LMNB2: variants seen among roughly 807,000 people sequenced by gnomAD.
LMNB2 encodes the protein lamin B2, also known as lamin-B2.
A neutral mutation model predicts 69.3 loss-of-function variants in LMNB2; 17 were observed. The observed-to-expected ratio is 0.25, with a 90% CI of 0.17 to 0.37. LMNB2 has a LOEUF of 0.37. LMNB2 is among the 10% of genes least tolerant of loss of function. The probability of loss-of-function intolerance (pLI) is 1.00; values close to 1 mark genes in which losing one functional copy is unlikely to be tolerated. For synonymous variants in LMNB2, 397 were observed against 389.3 expected, an observed-to-expected ratio of 1.02 and a Z score of -0.23; for missense variants, 789 against 883.6, an observed-to-expected ratio of 0.89 and a Z score of 1.36.
At chr19:2,438,101 A>G (rs1316823383) in intron 4 of LMNB2, 62 bp downstream of exon 4, 4 of 1,607,178 alleles carry the variant, frequency 2.5e-6, no homozygotes, top group Non-Finnish European at 3.4e-6. Flanking sequence ...CGCCCTCCAC[A>G]GCCATGAGGG....
rs369096685 is a variant in LMNB2 at position 2,453,951 on chromosome 19, G to A, written c.264+2719C>T. Among the ~76,000 whole-genome samples the A allele has an allele frequency of 1.3e-5, 2 of 152,204 alleles. No individual in the cohort carries two copies. Among genetic ancestry groups the A allele is most frequent in the South Asian group, 2.1e-4 (1 of 4,836 alleles). The stretch of plus-strand genomic sequence containing the variant: ...CTCCGCACTGGACAGATGGCAAGAT[G>A]GAGGCTCCAAGAGACACAGGGGCCT... On this transcript the variant is annotated intron_variant, in intron 1 of 11. Coordinates refer to ENST00000325327, the MANE Select transcript of LMNB2 (RefSeq NM_032737.4). This position sits in a 1 kb window ranked among gnomAD's most constrained non-coding sequence, Gnocchi z 4.4.
chr19:2,432,429 C>T lies in LMNB2; in HGVS notation c.1577G>A (p.Gly526Asp), dbSNP rs1315416039. ...KFTPKYILRA[G>D]QMVTVWAAGA... ...CCCACCACCTACCGTGACCATCTGG[C>T]CGGCGCGCAGGATGTACTTGGGCGT... The change falls in exon 9 of 12, where the codon GGC becomes GAC. Residue 526 changes from glycine to aspartate, a missense_variant. Around this residue, in one of 3 missense-constraint regions of LMNB2, gnomAD observed 609 missense variants for 630.9 expected, o/e 0.97. Coordinates refer to ENST00000325327, the MANE Select transcript of LMNB2 (RefSeq NM_032737.4). 1.2e-6 allele frequency: 2 copies of T among 1,612,058 alleles called. No individual in the cohort carries two copies. The highest frequency in any genetic ancestry group is 2.2e-5 in the East Asian group (1 of 44,832).
In LMNB2 at chr19:2,443,687, C is replaced by T. The variant is rs559926174; in HGVS notation, c.401+717G>A. Among the ~76,000 whole-genome samples the T allele has an allele frequency of 6.6e-6, 1 of 152,336 alleles. No homozygotes were observed. The highest frequency in any genetic ancestry group is 6.5e-5 in the Admixed American group (1 of 15,310). ...CACGCAGGGCACCAGAGACCTCGCT[C>T]TAGCTGGAGCCTCACATCAAGAAAA... On this transcript the variant is annotated intron_variant, in intron 2 of 11. Transcript: ENST00000325327. The surrounding 1 kb of genome is among the most constrained non-coding windows in gnomAD (Gnocchi z 6.2).
chr19:2,434,996 C>T lies in LMNB2; in HGVS notation c.855+5G>A. 1 of 1,605,406 alleles carries T rather than the reference C, an allele frequency of 6.2e-7. No individual in the cohort carries two copies. Among genetic ancestry groups the T allele is most frequent in the South Asian group, 1.1e-5 (1 of 91,052 alleles). On this transcript the variant is annotated splice_donor_5th_base_variant and intron_variant, in intron 5 of 11. Coordinates refer to ENST00000325327, the MANE Select transcript of LMNB2 (RefSeq NM_032737.4). ...CGCCCCCGCCCACCCGCCTGCCGGC[C>T]ACACCTTGGCCTGGTAGGTCTGCTC...
chr19:2,454,427 G>A (rs369222518), intron 1 of LMNB2, among the ~76,000 whole-genome samples: 88 of 152,118 alleles, frequency 5.8e-4, no homozygotes, highest in African/African-American at 2.0e-3. Flanking sequence ...ACAACCCACA[G>A]GGAGCTACTG....
chr19:2,454,572 C>A (rs2145476864), intron 1 of LMNB2, among the ~76,000 whole-genome samples: 1 of 152,238 alleles, frequency 6.6e-6, no homozygotes, highest in South Asian at 2.1e-4. Flanking sequence ...GGGTAAGTGG[C>A]TCCCAGAAAT....
chr19:2,452,844 G>C (rs1252936750), intron 1 of LMNB2, among the ~76,000 whole-genome samples: 1 of 152,080 alleles, frequency 6.6e-6, no homozygotes, highest in African/African-American at 2.4e-5. Context: ...CTCCCAGCAG[G>C]CTCCTCGGCC....
chr19:2,431,521 A>G, intron 11 of LMNB2, 27 bp downstream of exon 11: 1 of 1,613,834 alleles, frequency 6.2e-7, no homozygotes, highest in Non-Finnish European at 8.5e-7. Flanking sequence ...GCTGCCCCCC[A>G]GCCGCAAGTG....
chr19:2,448,355 C>T (rs370923073), intron 1 of LMNB2, among the ~76,000 whole-genome samples: 6 of 152,302 alleles, frequency 3.9e-5, no homozygotes, highest in African/African-American at 1.4e-4. Context: ...CCTGTCCCCA[C>T]AGAGAGAGAG....
At position 2,429,356 on chromosome 19, in the gene LMNB2, G is replaced by C. The variant is rs1971703469; in HGVS notation, c.*1555C>G. 2 of 152,292 alleles carry C rather than the reference G, an allele frequency of 1.3e-5. No individual in the cohort carries two copies. Among genetic ancestry groups the C allele is most frequent in the Admixed American group, 6.5e-5 (1 of 15,292 alleles). The allele number at this position is 152,292 out of a possible 1,614,324, so 9.4% of individuals were successfully genotyped here. A position where few individuals can be genotyped will look rare whatever the true frequency, so the allele number is the denominator to read the frequency against. On this transcript the variant is annotated 3_prime_UTR_variant, in exon 12 of 12. Coordinates refer to ENST00000325327, the MANE Select transcript of LMNB2 (RefSeq NM_032737.4). ...GGGAGCACAGCGGCGTAGCCTCCAG[G>C]AGGAAATGCTTTGGTAAGATGCGCC...
At chr19:2,452,570 A>C (rs1414768040) in intron 1 of LMNB2, among the ~76,000 whole-genome samples, 1 of 151,340 alleles carries the variant, frequency 6.6e-6, no homozygotes, top group Admixed American at 6.6e-5. Flanking sequence ...TACTAAAAAT[A>C]CAAAAATTAG....
intron 2 of LMNB2, among the ~76,000 whole-genome samples, chr19:2,439,840 TCTC>T (rs1192275771): frequency 6.6e-6 from 1 of 151,666 alleles, no homozygotes; most frequent in Admixed American, 6.6e-5. Flanking sequence ...TTCAAACAAT[TCTC>T]CTGCCTCAGC....
intron 11 of LMNB2, 148 bp downstream of exon 11, chr19:2,431,400 A>C (rs890957027): frequency 9.9e-6 from 10 of 1,011,538 alleles, no homozygotes; most frequent in Non-Finnish European, 1.4e-5. Context: ...CCGTGCTGGT[A>C]ACAGCCAAGG....
rs150787379 is a variant in LMNB2, at chr19:2,431,632, C to G, written c.1737G>C (p.Lys579Asn). The change falls in exon 11 of 12, where the codon AAG becomes AAC. Residue 579 changes from lysine (K) to asparagine (N), a missense_variant. Lys to Asn is a moderately conservative substitution (Grantham distance 94, BLOSUM62 0). Around this residue, in one of 3 missense-constraint regions of LMNB2, gnomAD observed 609 missense variants for 630.9 expected, o/e 0.97. Transcript: ENST00000325327. ...GEEVAMRTVKKSSVMRENENG... is the reference protein window; with the variant it reads ...GEEVAMRTVKNSSVMRENENG... ...TCTCATTCTCACGCATCACCGAGGA[C>G]TTCTTCACAGTCCTCATGGCCACTT... The G allele has an allele frequency of 1.3e-4, 206 of 1,614,162 alleles. 2 individuals carry two copies. In the South Asian group the frequency reaches 2.1e-3, roughly 16 times the overall value.
chr19:2,456,248 G>T (rs1285385969), intron 1 of LMNB2, among the ~76,000 whole-genome samples: 1 of 150,890 alleles, frequency 6.6e-6, no homozygotes, highest in African/African-American at 2.4e-5. Context: ...CAGTGGGCTG[G>T]GCCTAGCCGA....
At chr19:2,431,100 C>A (rs1971733668) in intron 11 of LMNB2, 148 bp from the exon 12 acceptor site, 3 of 701,672 alleles carry the variant, frequency 4.3e-6, no homozygotes, top group African/African-American at 3.5e-5. Flanking sequence ...ACTTCCATGT[C>A]CCCATGAGCC....
At chr19:2,437,325 A>G (rs1971840256) in intron 4 of LMNB2, among the ~76,000 whole-genome samples, 1 of 152,112 alleles carries the variant, frequency 6.6e-6, no homozygotes, top group African/African-American at 2.4e-5. Flanking sequence ...AGCGGGCCTC[A>G]CCCTCGCTTT....
chr19:2,442,148 T>C (rs1274602709), intron 2 of LMNB2, among the ~76,000 whole-genome samples: 1 of 152,170 alleles, frequency 6.6e-6, no homozygotes, highest in African/African-American at 2.4e-5. Context: ...GTTTTGGAGA[T>C]AAATTTGTTA....
chr19:2,428,942 G>C lies in LMNB2; in HGVS notation c.*1969C>G, dbSNP rs1568199184. The C allele has an allele frequency of 6.6e-6, 1 of 152,188 alleles. No individual in the cohort carries two copies. The highest frequency in any genetic ancestry group is 2.4e-5 in the African/African-American group (1 of 41,412). 9.4% of individuals were successfully genotyped at this position (152,188 alleles called of 1,614,324 possible). A position where few individuals can be genotyped will look rare whatever the true frequency, so the allele number is the denominator to read the frequency against. On this transcript the variant is annotated 3_prime_UTR_variant, in exon 12 of 12. Coordinates refer to ENST00000325327, the MANE Select transcript of LMNB2 (RefSeq NM_032737.4). The stretch of plus-strand genomic sequence containing the variant: ...CACCCAAGGCAAATGTAGGGTGGGG[G>C]GTTCTGTGGGCCTGGGGCGTGCTGT...
Sources: gnomAD v4.1 joint callset for allele counts (sites outside exome capture counted in the v4.1 genomes callset) on GRCh38, gnomAD v4.1.1 for gene constraint, gnomAD v4.1.1 regional missense constraint, Gnocchi (gnomAD v3.1) non-coding constraint, MANE v1.5 for transcripts, NCBI Gene and HGNC (gene_info 2026-07-23, HGNC 2026-07-21) for gene names.